The following TMEM67 variants were observed in gnomAD, a reference collection of about 807,000 sequenced individuals.
The protein encoded by TMEM67 is transmembrane protein 67, also known as meckelin.
Under a neutral mutation model 136.6 loss-of-function variants are expected in TMEM67, and 124 were observed. That is an observed-to-expected ratio of 0.91 (90% CI 0.78 to 1.05). The LOEUF (loss-of-function observed/expected upper bound fraction) is 1.05. Among genes scored for constraint, TMEM67 ranks in the 50% least tolerant of loss-of-function variants. The probability of loss-of-function intolerance (pLI) is 0.00; values close to 1 mark genes in which losing one functional copy is unlikely to be tolerated. For missense variants in TMEM67, 1,107 were observed against 1,178.4 expected (o/e 0.94, Z 0.89); for synonymous variants, 364 against 390.5 (o/e 0.93, Z 0.80).
At chr8:93,814,070 T>C (rs1241591530) in intron 26 of TMEM67, among the ~76,000 whole-genome samples, 1 of 151,972 alleles carries the variant, frequency 6.6e-6, no homozygotes, top group African/African-American at 2.4e-5. Flanking sequence ...GTCCATGGGC[T>C]GCTTCAGTGG....
At chr8:93,821,367 G>A (rs1226288409), downstream of TMEM67, among the ~76,000 whole-genome samples, 1 of 152,066 alleles carries the variant, frequency 6.6e-6, no homozygotes, top group South Asian at 2.1e-4. Context: ...CTGTAGACTC[G>A]ACCTCCCAGG....
rs184280690 is a variant in TMEM67, at chr8:93,775,079, G to A, written c.714+2428G>A. 2.0e-4 allele frequency among the ~76,000 whole-genome samples: 30 copies of A among 152,238 alleles called. No individual in the cohort carries two copies. In the East Asian group the frequency reaches 5.4e-3, roughly 27 times the overall value. The stretch of plus-strand genomic sequence containing the variant: ...TGGTGTGAGATGCTATCTCTTTGTG[G>A]TTTTGATTTACATTTCTCTGATGAC... On this transcript the variant is annotated intron_variant, in intron 7 of 27. Transcript: ENST00000453321.
At chr8:93,772,702 C>A in intron 7 of TMEM67, 51 bp downstream of exon 7, 1 of 1,361,968 alleles carries the variant, frequency 7.3e-7, no homozygotes, top group South Asian at 1.2e-5. Context: ...AGAATTATAC[C>A]ATTTATTTAC....
In TMEM67 at chr8:93,817,471, G is replaced by C. The variant is rs1808953720; in HGVS notation, c.*1019G>C. 1 of 152,188 alleles carries C rather than the reference G, an allele frequency of 6.6e-6. No homozygotes were observed. The highest frequency in any genetic ancestry group is 2.1e-4 in the South Asian group (1 of 4,832). The allele number at this position is 152,188 out of a possible 1,614,324, so 9.4% of individuals were successfully genotyped here. ...AACCAGGAGGTGGAGGCTGTAGTGA[G>C]CCAGATAGCACCACTGCACTCCAGC... On this transcript the variant is annotated 3_prime_UTR_variant, in exon 28 of 28. Coordinates refer to ENST00000453321, the MANE Select transcript of TMEM67 (RefSeq NM_153704.6).
chr8:93,793,059 C>G, intron 15 of TMEM67, 139 bp from the exon 16 acceptor site: 1 of 753,634 alleles, frequency 1.3e-6, no homozygotes, highest in South Asian at 1.5e-5. Flanking sequence ...GTGTGAGCCA[C>G]TGTGCCCGGC....
downstream of TMEM67, among the ~76,000 whole-genome samples, chr8:93,823,373 A>T (rs918214353): frequency 6.6e-6 from 1 of 151,750 alleles, no homozygotes; most frequent in Admixed American, 6.6e-5. Flanking sequence ...GTAAAGTAAC[A>T]TATTTATAGG....
intron 15 of TMEM67, among the ~76,000 whole-genome samples, 180 bp from the exon 16 acceptor site, chr8:93,793,018 G>A (rs1293875983): frequency 2.0e-5 from 3 of 151,272 alleles, no homozygotes; most frequent in Non-Finnish European, 2.9e-5. Flanking sequence ...TGATCCGCCT[G>A]CCTCGGCCTC....
rs559337451 is a variant in TMEM67 at position 93,773,333 on chromosome 8, T to C, written c.714+682T>C. 2.2e-4 allele frequency among the ~76,000 whole-genome samples: 33 copies of C among 152,238 alleles called. 1 individual carries two copies. In the South Asian group the frequency reaches 6.8e-3, roughly 32 times the overall value. On this transcript the variant is annotated intron_variant, in intron 7 of 27. Transcript: ENST00000453321. Reference sequence around the variant, plus strand: ...AGGTCAGGGATGTAGGGAGTGGCTATGGCAAGGCCCTGGAGCTTATTTTAA... The same window carrying C: ...AGGTCAGGGATGTAGGGAGTGGCTACGGCAAGGCCCTGGAGCTTATTTTAA...
At chr8:93,763,396 G>A (rs1335987449) in intron 3 of TMEM67, among the ~76,000 whole-genome samples, 1 of 152,114 alleles carries the variant, frequency 6.6e-6, no homozygotes, top group African/African-American at 2.4e-5. Context: ...ACAAAATTGT[G>A]GTGTTATAAG....
At position 93,790,446 on chromosome 8, in the gene TMEM67, G is replaced by A. The variant is rs1216405504; in HGVS notation, c.1519-817G>A. On this transcript the variant is annotated intron_variant, in intron 14 of 27. Coordinates refer to ENST00000453321, the MANE Select transcript of TMEM67 (RefSeq NM_153704.6). ...CATCCCTAATGTCTTATTCAGCCAA[G>A]TCTCTCTGCAAGTCCCTTTCCTTTG... is the stretch of plus-strand genomic sequence containing the variant. Among the ~76,000 whole-genome samples, 3 of 152,126 alleles carry A rather than the reference G, an allele frequency of 2.0e-5. No individual in the cohort carries two copies. In the South Asian group the frequency reaches 6.2e-4, roughly 32 times the overall value.
At chr8:93,802,191 T>A (rs1056787939) in intron 21 of TMEM67, among the ~76,000 whole-genome samples, 1 of 152,182 alleles carries the variant, frequency 6.6e-6, no homozygotes, top group African/African-American at 2.4e-5. Context: ...AGCCTGTCCT[T>A]CTGCCCAGCC....
chr8:93,821,716 T>C (rs1809044332), downstream of TMEM67, among the ~76,000 whole-genome samples: 1 of 152,158 alleles, frequency 6.6e-6, no homozygotes, highest in Non-Finnish European at 1.5e-5. Flanking sequence ...CTGGGCAACA[T>C]GGTGAAACCC....
chr8:93,794,247 G>A (rs997979293), intron 16 of TMEM67, among the ~76,000 whole-genome samples: 9 of 152,060 alleles, frequency 5.9e-5, no homozygotes, highest in African/African-American at 1.9e-4. Flanking sequence ...GTTATGATAC[G>A]TGCTTTTGGG....
intron 18 of TMEM67, among the ~76,000 whole-genome samples, chr8:93,796,407 G>C (rs912192456): frequency 3.9e-5 from 6 of 151,968 alleles, no homozygotes; most frequent in Non-Finnish European, 7.4e-5. Flanking sequence ...TCTTCCTATG[G>C]CCCCCCAATC....
At chr8:93,762,567 A>G (rs1194851513) in intron 3 of TMEM67, among the ~76,000 whole-genome samples, 1 of 151,990 alleles carries the variant, frequency 6.6e-6, no homozygotes, top group Non-Finnish European at 1.5e-5. Context: ...TAAGCAATCT[A>G]CTGCACCCAG....
At chr8:93,818,527 T>C (rs1808982953), downstream of TMEM67, among the ~76,000 whole-genome samples, 2 of 152,174 alleles carry the variant, frequency 1.3e-5, no homozygotes, top group African/African-American at 2.4e-5. Flanking sequence ...CTTACAAGCA[T>C]GAAGCATGTG....
chr8:93,760,687 A>AG (rs1812788973), intron 3 of TMEM67, among the ~76,000 whole-genome samples: 2 of 151,820 alleles, frequency 1.3e-5, no homozygotes, highest in African/African-American at 4.8e-5. Context: ...CAAAAAAAAA[A>AG]GAAAAAAAGA....
At chr8:93,772,497 A>G in intron 6 of TMEM67, 92 bp from the exon 7 acceptor site, 2 of 925,672 alleles carry the variant, frequency 2.2e-6, no homozygotes, top group Admixed American at 1.9e-5. Flanking sequence ...TTCTACTAAC[A>G]TTGTGAAAGT....
At chr8:93,765,675 T>C in intron 6 of TMEM67, 29 bp downstream of exon 6, 1 of 1,517,942 alleles carries the variant, frequency 6.6e-7, no homozygotes, top group Non-Finnish European at 9.2e-7. Context: ...TTTTGTTCTG[T>C]TGTTAAAAAA....
Sources: gnomAD v4.1 joint callset for allele counts (sites outside exome capture counted in the v4.1 genomes callset) on GRCh38, gnomAD v4.1.1 for gene constraint, MANE v1.5 for transcripts, NCBI Gene and HGNC (gene_info 2026-07-23, HGNC 2026-07-21) for gene names.